The following PDE10A variants were observed in gnomAD, a reference collection of about 807,000 sequenced individuals.
PDE10A encodes the protein cAMP and cAMP-inhibited cGMP 3',5'-cyclic phosphodiesterase 10A.
Under a neutral mutation model 97.7 loss-of-function variants are expected in PDE10A, and 39 were observed. That is an observed-to-expected ratio of 0.40 (90% CI 0.31 to 0.52). The LOEUF (loss-of-function observed/expected upper bound fraction) is 0.52. Among genes scored for constraint, PDE10A ranks in the 20% least tolerant of loss-of-function variants. The pLI is 0.56. For synonymous variants in PDE10A, 371 were observed against 376.8 expected (o/e 0.98, Z 0.18); for missense variants, 731 against 1,047.8 (o/e 0.70, Z 4.17).
intron 1 of PDE10A, among the ~76,000 whole-genome samples, chr6:165,937,069 A>G (rs533443190): frequency 6.6e-6 from 1 of 152,334 alleles, no homozygotes; most frequent in Non-Finnish European, 1.5e-5. Context: ...AGGGGTGACC[A>G]TGACAATTTT....
Position 165,472,717 on chromosome 6 carries a change from G to T in PDE10A, c.1023+9598C>A, listed in dbSNP as rs1779085562. ...TACATTATACCAGAGAAGTTCTTCT[G>T]AATGTATAACACATAGAAGAAATAG... is the stretch of plus-strand genomic sequence containing the variant. On this transcript the variant is annotated intron_variant, in intron 3 of 21. Coordinates refer to ENST00000539869, the MANE Select transcript of PDE10A (RefSeq NM_001385079.1). Among the ~76,000 whole-genome samples, 2 of 152,052 alleles carry T rather than the reference G, an allele frequency of 1.3e-5. 1 individual carries two copies. The highest frequency in any genetic ancestry group is 4.1e-4 in the South Asian group (2 of 4,822).
At chr6:165,395,345 G>T in intron 14 of PDE10A, 81 bp from the exon 15 acceptor site, 1 of 951,226 alleles carries the variant, frequency 1.1e-6, no homozygotes, top group East Asian at 2.6e-5. Flanking sequence ...TAACTTGTTT[G>T]TACCAAGGAG....
chr6:165,779,919 T>A (rs1778300339), intron 1 of PDE10A, among the ~76,000 whole-genome samples: 1 of 152,144 alleles, frequency 6.6e-6, no homozygotes, highest in Non-Finnish European at 1.5e-5. Flanking sequence ...ACTCTTCAAT[T>A]CACTCCGCTG....
At chr6:165,454,132 C>CT (rs963935125) in intron 3 of PDE10A, among the ~76,000 whole-genome samples, 2 of 152,164 alleles carry the variant, frequency 1.3e-5, no homozygotes, top group Non-Finnish European at 2.9e-5. Flanking sequence ...TCTATTTCTC[C>CT]TTTTTGGAAT....
At chr6:165,412,330 T>C (rs1787925851) in intron 13 of PDE10A, among the ~76,000 whole-genome samples, 1 of 152,176 alleles carries the variant, frequency 6.6e-6, no homozygotes, top group African/African-American at 2.4e-5. Context: ...ATAATATGTA[T>C]CAAGCTTCTA....
Position 165,388,452 on chromosome 6 carries a change from C to A in PDE10A, c.2456G>T (p.Arg819Leu). Reference sequence around the variant, plus strand: ...CAGACACGCAATCAGCAGTCCTTTGCGCTTTAAAAAATAATATGATGCAGA... The same window carrying A: ...CAGACACGCAATCAGCAGTCCTTTGAGCTTTAAAAAATAATATGATGCAGA... ...NNHTLFTDLE[R>L]KGLLIACLCH... The change falls in exon 17 of 22, where the codon CGC (arginine) becomes CTC (leucine). Residue 819 changes from arginine to leucine, a missense_variant and splice_region_variant. Physicochemically the swap from Arg to Leu is moderately radical, Grantham distance 102. Around this residue, in one of 8 missense-constraint regions of PDE10A, gnomAD observed 131 missense variants for 187.4 expected, o/e 0.70. Transcript: ENST00000539869. The surrounding 1 kb of genome is among the most constrained non-coding windows in gnomAD (Gnocchi z 4.0). The A allele has an allele frequency of 1.2e-6, 2 of 1,613,764 alleles. No homozygotes were observed. Among genetic ancestry groups the A allele is most frequent in the Non-Finnish European group, 1.7e-6 (2 of 1,179,812 alleles).
chr6:165,619,051 A>G (rs1449450365), intron 1 of PDE10A, among the ~76,000 whole-genome samples: 4 of 122,660 alleles, frequency 3.3e-5, no homozygotes, highest in African/African-American at 5.6e-5. Context: ...AGTGTAGTCT[A>G]GTGTGGTGTA....
chr6:165,545,266 CT>C (rs1783683414), intron 1 of PDE10A: 1 of 483,602 alleles, frequency 2.1e-6, no homozygotes, highest in Non-Finnish European at 4.0e-6. Context: ...AATCAGGAAT[CT>C]TAACATATTT....
chr6:165,912,673 A>G (rs1782495558), intron 1 of PDE10A, among the ~76,000 whole-genome samples: 1 of 152,208 alleles, frequency 6.6e-6, no homozygotes, highest in African/African-American at 2.4e-5. Context: ...CTTGAGTGTT[A>G]GGGCTGTTGG....
chr6:165,365,852 A>G (rs1023722720), intron 18 of PDE10A, among the ~76,000 whole-genome samples: 3 of 152,256 alleles, frequency 2.0e-5, no homozygotes, highest in African/African-American at 7.2e-5. Context: ...CAGATCAGAA[A>G]GAAAGATCAA....
chr6:165,511,325 T>C (rs1781494680), intron 2 of PDE10A, among the ~76,000 whole-genome samples: 1 of 152,026 alleles, frequency 6.6e-6, no homozygotes, highest in Non-Finnish European at 1.5e-5. Flanking sequence ...CATGCATTTG[T>C]CTAGTTTCTA....
intron 1 of PDE10A, among the ~76,000 whole-genome samples, chr6:165,679,973 CT>C (rs1790931662): frequency 6.6e-6 from 1 of 151,808 alleles, no homozygotes; most frequent in Non-Finnish European, 1.5e-5. Flanking sequence ...ATGGTGGGTG[CT>C]GCTGGTTATT....
At chr6:165,435,502 G>A in intron 5 of PDE10A, 125 bp from the exon 6 acceptor site, 3 of 766,506 alleles carry the variant, frequency 3.9e-6, no homozygotes, top group Non-Finnish European at 5.7e-6. Context: ...ATAAAATGAG[G>A]AAAGGTGCTT....
chr6:165,956,909 A>G (rs1230383105), intron 1 of PDE10A, among the ~76,000 whole-genome samples: 1 of 152,044 alleles, frequency 6.6e-6, no homozygotes, highest in African/African-American at 2.4e-5. Flanking sequence ...CCACTATTCC[A>G]CCTCCACCCT....
intron 13 of PDE10A, among the ~76,000 whole-genome samples, chr6:165,398,660 C>A (rs907137159): frequency 6.6e-6 from 1 of 151,946 alleles, no homozygotes; most frequent in Non-Finnish European, 1.5e-5. Flanking sequence ...TTATATATTA[C>A]CAATATGGGT....
chr6:165,938,625 C>T (rs1283448530), intron 1 of PDE10A, among the ~76,000 whole-genome samples: 1 of 152,042 alleles, frequency 6.6e-6, no homozygotes, highest in East Asian at 1.9e-4. Context: ...AGTGAGGAGG[C>T]CCTGGCTGAT....
intron 1 of PDE10A, among the ~76,000 whole-genome samples, chr6:165,938,096 T>G (rs1229676076): frequency 6.6e-6 from 1 of 152,210 alleles, no homozygotes; most frequent in African/African-American, 2.4e-5. Context: ...ATATTGCATT[T>G]TACTCTCCCC....
At chr6:165,509,447 A>G (rs1359493253) in intron 2 of PDE10A, among the ~76,000 whole-genome samples, 1 of 151,892 alleles carries the variant, frequency 6.6e-6, no homozygotes. Flanking sequence ...TAATTTGTCT[A>G]TTTTTATAGC....
rs950246239 is a variant in PDE10A, at chr6:165,331,292, G to A, written c.*1733C>T. The A allele has an allele frequency of 6.6e-6, 1 of 152,100 alleles. No individual in the cohort carries two copies. The highest frequency in any genetic ancestry group is 1.5e-5 in the Non-Finnish European group (1 of 68,034). The allele number at this position is 152,100 out of a possible 1,614,324, so 9.4% of individuals were successfully genotyped here. A position where few individuals can be genotyped will look rare whatever the true frequency, so the allele number is the denominator to read the frequency against. On this transcript the variant is annotated 3_prime_UTR_variant, in exon 22 of 22. Transcript: ENST00000539869. ...TTTTGTTATTACATTTTACCTCATA[G>A]TGTATAATGAAAATAGCAAATGGAG...
Sources: gnomAD v4.1 joint callset for allele counts (sites outside exome capture counted in the v4.1 genomes callset) on GRCh38, gnomAD v4.1.1 for gene constraint, gnomAD v4.1.1 regional missense constraint, Gnocchi (gnomAD v3.1) non-coding constraint, MANE v1.5 for transcripts, NCBI Gene and HGNC (gene_info 2026-07-23, HGNC 2026-07-21) for gene names.